KHDRBS3: variants seen among roughly 807,000 people sequenced by gnomAD.
KHDRBS3 encodes KH RNA binding domain containing, signal transduction associated 3.
KHDRBS3 carries 23 observed loss-of-function variants against 45.6 expected under a neutral mutation model. The observed-to-expected ratio is 0.50, with a 90% confidence interval of 0.36 to 0.72. The LOEUF (loss-of-function observed/expected upper bound fraction) is 0.72. KHDRBS3 is among the 30% of genes least tolerant of loss of function. KHDRBS3 has a pLI of 0.00. For synonymous variants in KHDRBS3, 162 were observed against 156.5 expected (o/e 1.04, Z -0.26); for missense variants, 352 against 424.8 (o/e 0.83, Z 1.51).
At chr8:135,543,938 T>A (rs564407433) in intron 3 of KHDRBS3, among the ~76,000 whole-genome samples, 1 of 152,148 alleles carries the variant, frequency 6.6e-6, no homozygotes, top group Non-Finnish European at 1.5e-5. Flanking sequence ...TTTCAGTAGG[T>A]GTTTGAAATG....
intron 7 of KHDRBS3, among the ~76,000 whole-genome samples, chr8:135,622,143 G>A (rs1417992494): frequency 1.3e-5 from 2 of 152,114 alleles, no homozygotes; most frequent in East Asian, 3.8e-4. Context: ...GTGATTATTT[G>A]ATCAATGTCT....
intron 6 of KHDRBS3, 94 bp from the exon 7 acceptor site, chr8:135,606,861 T>C (rs1829487857): frequency 2.2e-6 from 2 of 903,106 alleles, no homozygotes; most frequent in East Asian, 2.5e-5. Flanking sequence ...AATTAAATGC[T>C]AGCTGAATTA....
chr8:135,531,056 G>A (rs1158834718), intron 2 of KHDRBS3, among the ~76,000 whole-genome samples: 1 of 152,158 alleles, frequency 6.6e-6, no homozygotes, highest in Non-Finnish European at 1.5e-5. Context: ...TTCATAGCTT[G>A]TCCTCCACAC....
intron 2 of KHDRBS3, among the ~76,000 whole-genome samples, chr8:135,536,121 C>T (rs1825734095): frequency 6.6e-6 from 1 of 152,018 alleles, no homozygotes; most frequent in African/African-American, 2.4e-5. Flanking sequence ...TAGCCCACCC[C>T]AGATGAGCAA....
intron 1 of KHDRBS3, among the ~76,000 whole-genome samples, chr8:135,485,868 A>ATATATATATATATATT (rs1563713994): frequency 1.4e-5 from 2 of 141,212 alleles, no homozygotes; most frequent in African/African-American, 2.6e-5. Context: ...ATATATATAT[A>ATATATATATATATATT]TTTTATTTTT....
chr8:135,506,438 C>CTGT lies in KHDRBS3; in HGVS notation c.89-14796_89-14794dup, dbSNP rs113632179. ...TTTTTTTTTGAGATGGAGTCTTGCT[C>CTGT]TGTTGCCCAGGCTGGAGTGTAGTGG... is the stretch of plus-strand genomic sequence containing the variant. On this transcript the variant is annotated intron_variant, in intron 1 of 8. Transcript: ENST00000355849. Among the ~76,000 whole-genome samples, 612 of 145,842 alleles carry CTGT rather than the reference C, an allele frequency of 4.2e-3. 10 individuals are homozygous for CTGT. The highest frequency in any genetic ancestry group is 0.014 in the African/African-American group (554 of 39,400).
At chr8:135,503,800 A>G (rs1464048028) in intron 1 of KHDRBS3, among the ~76,000 whole-genome samples, 7 of 152,214 alleles carry the variant, frequency 4.6e-5, no homozygotes, top group African/African-American at 1.2e-4. Flanking sequence ...GACTGCCACA[A>G]TTGATTGGTT....
At chr8:135,515,872 C>T (rs1386503732) in intron 1 of KHDRBS3, among the ~76,000 whole-genome samples, 1 of 152,206 alleles carries the variant, frequency 6.6e-6, no homozygotes, top group Non-Finnish European at 1.5e-5. Flanking sequence ...CTACTTTGTC[C>T]TCTCCATGCC....
At chr8:135,497,010 T>C (rs1444127443) in intron 1 of KHDRBS3, among the ~76,000 whole-genome samples, 1 of 152,230 alleles carries the variant, frequency 6.6e-6, no homozygotes, top group Non-Finnish European at 1.5e-5. Context: ...CCCAGAATGC[T>C]ACTTCTGCCA....
chr8:135,631,582 C>G (rs752905544), intron 7 of KHDRBS3, among the ~76,000 whole-genome samples: 5 of 152,086 alleles, frequency 3.3e-5, no homozygotes, highest in Non-Finnish European at 5.9e-5. Flanking sequence ...TCTTTAGGGA[C>G]AGTAACATGC....
chr8:135,497,590 A>G (rs763697919), intron 1 of KHDRBS3, among the ~76,000 whole-genome samples: 1 of 152,202 alleles, frequency 6.6e-6, no homozygotes, highest in East Asian at 1.9e-4. Context: ...CACAGGCACA[A>G]ATTATAAGGT....
Position 135,606,958 on chromosome 8 carries a change from T to C in KHDRBS3, c.811T>C (p.Tyr271His). ...TACTTCTCCTGTTATGTTTTAGGAC[T>C]ATGATGATGGATATGGCACTGCTTA... ...PTQETYGEYD[Y>H]DDGYGTAYDE... The change falls in exon 7 of 9, where the codon TAT (tyrosine) becomes CAT (histidine). Residue 271 changes from tyrosine to histidine, a missense_variant. By Grantham distance (83) the Tyr-to-His change is moderately conservative. Around this residue, in one of 6 missense-constraint regions of KHDRBS3, gnomAD observed 212 missense variants for 209.6 expected, o/e 1.01. Coordinates refer to ENST00000355849, the MANE Select transcript of KHDRBS3 (RefSeq NM_006558.3). 6.2e-7 allele frequency: 1 copy of C among 1,611,860 alleles called. No homozygotes were observed. Among genetic ancestry groups the C allele is most frequent in the Non-Finnish European group, 8.5e-7 (1 of 1,178,220 alleles).
intron 1 of KHDRBS3, among the ~76,000 whole-genome samples, chr8:135,466,521 T>C (rs1358851637): frequency 6.6e-6 from 1 of 152,246 alleles, no homozygotes; most frequent in Non-Finnish European, 1.5e-5. Flanking sequence ...CATGGTAATA[T>C]GTTTATTTTG....
At chr8:135,608,681 T>G (rs544805440) in intron 7 of KHDRBS3, among the ~76,000 whole-genome samples, 1 of 152,310 alleles carries the variant, frequency 6.6e-6, no homozygotes, top group African/African-American at 2.4e-5. Flanking sequence ...GTATATACAG[T>G]TATGTGTCAT....
At chr8:135,591,461 TC>T (rs1487267668) in intron 6 of KHDRBS3, among the ~76,000 whole-genome samples, 1 of 152,204 alleles carries the variant, frequency 6.6e-6, no homozygotes, top group East Asian at 1.9e-4. Flanking sequence ...AATATAAACC[TC>T]CTGTTGTACG....
intron 1 of KHDRBS3, among the ~76,000 whole-genome samples, chr8:135,462,869 A>T (rs1586545507): frequency 6.6e-6 from 1 of 152,192 alleles, no homozygotes; most frequent in Non-Finnish European, 1.5e-5. Flanking sequence ...TTACTGGCCA[A>T]CCTGTGATGG....
Position 135,513,206 on chromosome 8 carries a change from A to G in KHDRBS3, c.89-8031A>G, listed in dbSNP as rs200005295. 7.9e-5 allele frequency among the ~76,000 whole-genome samples: 12 copies of G among 152,238 alleles called. No homozygotes were observed. The East Asian group carries it at 2.1e-3, about 27-fold the overall frequency. On this transcript the variant is annotated intron_variant, in intron 1 of 8. Coordinates refer to ENST00000355849, the MANE Select transcript of KHDRBS3 (RefSeq NM_006558.3). ...CAGAGCAAGACTCCGTCTCAAAAAA[A>G]AAAAGAAAAAAGCTGGACACAGACT...
intron 2 of KHDRBS3, chr8:135,542,088 A>G (rs755249236): frequency 2.0e-5 from 3 of 152,238 alleles, no homozygotes; most frequent in Non-Finnish European, 4.4e-5. Context: ...ACAGACATCT[A>G]AGTTTAAATA....
Position 135,508,792 on chromosome 8 carries a change from T to A in KHDRBS3, c.89-12445T>A, listed in dbSNP as rs929901615. ...AAGAATAATCCTCAATTATTTAGAA[T>A]AGCTAAGGGACTGGTCTGTTTGGGA... On this transcript the variant is annotated intron_variant, in intron 1 of 8. Transcript: ENST00000355849. Among the ~76,000 whole-genome samples, 8 of 152,208 alleles carry A rather than the reference T, an allele frequency of 5.3e-5. No individual in the cohort carries two copies. In the East Asian group the frequency reaches 1.5e-3, roughly 29 times the overall value.
Sources: gnomAD v4.1 joint callset for allele counts (sites outside exome capture counted in the v4.1 genomes callset) on GRCh38, gnomAD v4.1.1 for gene constraint, gnomAD v4.1.1 regional missense constraint, MANE v1.5 for transcripts, NCBI Gene and HGNC (gene_info 2026-07-23, HGNC 2026-07-21) for gene names.